DNAI1: variants seen among roughly 807,000 people sequenced by gnomAD.
DNAI1 encodes the protein dynein, axonemal, intermediate polypeptide 1.
Under a neutral mutation model 92.0 loss-of-function variants are expected in DNAI1, and 67 were observed. That is an observed-to-expected ratio of 0.73 (90% CI 0.60 to 0.89). DNAI1 has a LOEUF of 0.89. Among genes scored for constraint, DNAI1 ranks in the 40% least tolerant of loss-of-function variants. DNAI1 has a pLI of 0.00. For missense variants in DNAI1, 839 were observed against 866.6 expected (o/e 0.97, Z 0.40); for synonymous variants, 323 against 319.6 (o/e 1.01, Z -0.11).
At chr9:34,468,642 A>G (rs1824083784) in intron 1 of DNAI1, among the ~76,000 whole-genome samples, 2 of 152,002 alleles carry the variant, frequency 1.3e-5, no homozygotes, top group Admixed American at 6.6e-5. Context: ...CCTGGGCAAC[A>G]TAAAAAAAAC....
At chr9:34,459,706 G>T (rs190391214) in intron 1 of DNAI1, among the ~76,000 whole-genome samples, 1 of 152,100 alleles carries the variant, frequency 6.6e-6, no homozygotes, top group Non-Finnish European at 1.5e-5. Context: ...TTGACCTTCC[G>T]AAGTGCTGGG....
At position 34,483,196 on chromosome 9, in the gene DNAI1, CG is replaced by C. The variant is rs556975849; in HGVS notation, c.49-250del. 1.7e-3 allele frequency among the ~76,000 whole-genome samples: 262 copies of C among 152,332 alleles called. No homozygotes were observed. The highest frequency in any genetic ancestry group is 1.7e-3 in the South Asian group (8 of 4,828). ...CCCTGCAAGCTGAGGGAGTGGGCTC[CG>C]GCCTTGGCCAGCCCAGAAAGGGGCT... On this transcript the variant is annotated intron_variant, in intron 1 of 19. Transcript: ENST00000242317.
intron 13 of DNAI1, among the ~76,000 whole-genome samples, chr9:34,507,150 C>T (rs1004187535): frequency 6.6e-6 from 1 of 152,160 alleles, no homozygotes. Flanking sequence ...CGATCAGTAA[C>T]TCAGAAGACA....
At position 34,517,448 on chromosome 9, in the gene DNAI1, AT is replaced by A; in HGVS notation, c.1985del (p.Leu662CysfsTer28). On this transcript the variant is annotated frameshift_variant, in exon 19 of 20. Transcript: ENST00000242317. LOFTEE classifies it high-confidence loss of function. ...ATCATCAGCCTCAAGCTCTCACCCAATTTGCGCAAGATGCCAAAGGTACAGG... is the reference window on the plus strand; with the variant it reads ...ATCATCAGCCTCAAGCTCTCACCCAATTGCGCAAGATGCCAAAGGTACAGG... The part of the protein sequence containing the change: ...GHIISLKLSP[N>X]LRKMPKEKKG... 6 of 1,614,100 alleles carry A rather than the reference AT, an allele frequency of 3.7e-6. No individual in the cohort carries two copies. Among genetic ancestry groups the A allele is most frequent in the Non-Finnish European group, 5.1e-6 (6 of 1,180,016 alleles).
intron 13 of DNAI1, among the ~76,000 whole-genome samples, chr9:34,510,704 T>C (rs766966019): frequency 2.6e-5 from 4 of 152,096 alleles, no homozygotes; most frequent in Non-Finnish European, 5.9e-5. Context: ...TTCCATGCGG[T>C]GCTGGCGTCT....
At position 34,514,733 on chromosome 9, in the gene DNAI1, T is replaced by TG; in HGVS notation, c.1815dup (p.Lys606GlufsTer6). ...CTGTGTTCGCAGCAGTCACCACAGA[T>TG]GGGAAGGTGAGTGCCAGCGTCCTGA... On this transcript the variant is annotated frameshift_variant, in exon 18 of 20. Transcript: ENST00000242317. LOFTEE classifies it high-confidence loss of function. 1 of 1,613,986 alleles carries TG rather than the reference T, an allele frequency of 6.2e-7. No homozygotes were observed. Among genetic ancestry groups the TG allele is most frequent in the Non-Finnish European group, 8.5e-7 (1 of 1,179,992 alleles).
Position 34,502,413 on chromosome 9 carries a change from G to T in DNAI1, c.1063+1232G>T, listed in dbSNP as rs539329524. On this transcript the variant is annotated intron_variant, in intron 12 of 19. Coordinates refer to ENST00000242317, the MANE Select transcript of DNAI1 (RefSeq NM_012144.4). ...TTGGGTTGGGCAGGCCCTCCCAGGAGTGGGTGTGGACCCCCCTGTGAGGCT... is the reference window on the plus strand; with the variant it reads ...TTGGGTTGGGCAGGCCCTCCCAGGATTGGGTGTGGACCCCCCTGTGAGGCT... Among the ~76,000 whole-genome samples, 8 of 152,290 alleles carry T rather than the reference G, an allele frequency of 5.3e-5. No homozygotes were observed. The South Asian group carries it at 1.7e-3, about 32-fold the overall frequency.
At chr9:34,503,505 T>C (rs949559242) in intron 12 of DNAI1, among the ~76,000 whole-genome samples, 2 of 152,232 alleles carry the variant, frequency 1.3e-5, no homozygotes, top group Non-Finnish European at 2.9e-5. Flanking sequence ...TTGACTCTGG[T>C]GAGCTGAGTC....
At chr9:34,487,279 G>A (rs1033965947) in intron 4 of DNAI1, among the ~76,000 whole-genome samples, 10 of 151,778 alleles carry the variant, frequency 6.6e-5, no homozygotes, top group South Asian at 4.2e-4. Flanking sequence ...TCCGCCTCCC[G>A]GGTTCATGCC....
intron 1 of DNAI1, among the ~76,000 whole-genome samples, chr9:34,465,748 TAATGTTGACTCTC>T (rs1824027148): frequency 6.6e-6 from 1 of 152,134 alleles, no homozygotes; most frequent in Admixed American, 6.5e-5. Context: ...TGCTGAGGAG[TAATGTTGACTCTC>T]TGGCTCCAGC....
intron 18 of DNAI1, among the ~76,000 whole-genome samples, chr9:34,516,001 AAAAG>A (rs1353131820): frequency 6.6e-6 from 1 of 152,234 alleles, no homozygotes; most frequent in Non-Finnish European, 1.5e-5. Context: ...GAAAAAAAGA[AAAAG>A]AAAAAATAAA....
At chr9:34,476,665 G>A (rs1357750890) in intron 1 of DNAI1, among the ~76,000 whole-genome samples, 1 of 152,198 alleles carries the variant, frequency 6.6e-6, no homozygotes, top group Non-Finnish European at 1.5e-5. Context: ...CAGACATCAT[G>A]GTTGGTAGTA....
At position 34,500,879 on chromosome 9, in the gene DNAI1, G is replaced by A. The variant is rs1824818311; in HGVS notation, c.1019+40G>A. 3.3e-6 allele frequency: 5 copies of A among 1,515,792 alleles called. No individual in the cohort carries two copies. In the East Asian group the frequency reaches 1.1e-4, roughly 34 times the overall value. 93.9% of individuals were successfully genotyped at this position (1,515,792 alleles called of 1,614,324 possible). ...TGCAGCAAATGCAGAGCCCCTGAGTGCCCTCTACATCCCAAACCCCCAGTA... is the reference window on the plus strand; with the variant it reads ...TGCAGCAAATGCAGAGCCCCTGAGTACCCTCTACATCCCAAACCCCCAGTA... On this transcript the variant is annotated intron_variant, in intron 11 of 19. Transcript: ENST00000242317.
rs902624536 is a variant in DNAI1 at position 34,458,879 on chromosome 9, C to T, written c.-127C>T. ...CGGGGACCCACAACGACGGCTGTCC[C>T]TAAAGAACCGTTGCGACTGGTAACT... On this transcript the variant is annotated 5_prime_UTR_variant, in exon 1 of 20. Coordinates refer to ENST00000242317, the MANE Select transcript of DNAI1 (RefSeq NM_012144.4). This position sits in a 1 kb window ranked among gnomAD's most constrained non-coding sequence, Gnocchi z 6.6. The T allele has an allele frequency of 1.7e-5, 14 of 834,366 alleles. No individual in the cohort carries two copies. Among genetic ancestry groups the T allele is most frequent in the Admixed American group, 3.9e-5 (2 of 51,286 alleles). The allele number at this position is 834,366 out of a possible 1,614,324, so 51.7% of individuals were successfully genotyped here.
chr9:34,510,666 GGCT>G (rs952272164), intron 13 of DNAI1, among the ~76,000 whole-genome samples: 3 of 152,218 alleles, frequency 2.0e-5, no homozygotes, highest in South Asian at 2.1e-4. Flanking sequence ...CTGGGCATCA[GGCT>G]GCTAAGTGGG....
At chr9:34,516,744 C>CTTTTCTTTTTTT (rs60433524) in intron 18 of DNAI1, among the ~76,000 whole-genome samples, 1 of 135,066 alleles carries the variant, frequency 7.4e-6, no homozygotes, top group African/African-American at 2.8e-5. Flanking sequence ...CTTTTCTTTT[C>CTTTTCTTTTTTT]TTTTTTTTTT....
At chr9:34,490,542 G>T in intron 7 of DNAI1, 54 bp downstream of exon 7, 1 of 1,612,414 alleles carries the variant, frequency 6.2e-7, no homozygotes, top group Non-Finnish European at 8.5e-7. Context: ...GCCTGGCAGG[G>T]AAGAAGCAGG....
chr9:34,473,108 T>G (rs1207911236), intron 1 of DNAI1, among the ~76,000 whole-genome samples: 1 of 152,072 alleles, frequency 6.6e-6, no homozygotes, highest in Non-Finnish European at 1.5e-5. Context: ...CCTTTTTATT[T>G]GACAATATGC....
At position 34,519,950 on chromosome 9, in the gene DNAI1, G is replaced by A. The variant is rs1372598122; in HGVS notation, c.2002-708G>A. Among the ~76,000 whole-genome samples, 16 of 152,206 alleles carry A rather than the reference G, an allele frequency of 1.1e-4. No individual in the cohort carries two copies. In the East Asian group the frequency reaches 2.9e-3, roughly 27 times the overall value. On this transcript the variant is annotated intron_variant, in intron 19 of 19. Coordinates refer to ENST00000242317, the MANE Select transcript of DNAI1 (RefSeq NM_012144.4). ...ACCTGTGGGTGACACACACTCCAGT[G>A]TCCAACTTATAATGGAAGGATTGGA...
Sources: gnomAD v4.1 joint callset for allele counts (sites outside exome capture counted in the v4.1 genomes callset) on GRCh38, gnomAD v4.1.1 for gene constraint, Gnocchi (gnomAD v3.1) non-coding constraint, MANE v1.5 for transcripts, NCBI Gene and HGNC (gene_info 2026-07-23, HGNC 2026-07-21) for gene names.